The following CPLANE1 variants were observed in gnomAD, a reference collection of about 807,000 sequenced individuals.
CPLANE1 encodes ciliogenesis and planar polarity effector 1.
A neutral mutation model predicts 362.5 loss-of-function variants in CPLANE1; 263 were observed. The observed-to-expected ratio is 0.73, with a 90% confidence interval of 0.66 to 0.80. The LOEUF is 0.80. CPLANE1 is among the 30% of genes least tolerant of loss of function. The probability of loss-of-function intolerance (pLI) is 0.00; values close to 1 mark genes in which losing one functional copy is unlikely to be tolerated. For synonymous variants in CPLANE1, 1,212 were observed against 1,302.6 expected, an observed-to-expected ratio of 0.93 and a Z score of 1.50; for missense variants, 3,461 against 3,793.4, an observed-to-expected ratio of 0.91 and a Z score of 2.30.
intron 34 of CPLANE1, among the ~76,000 whole-genome samples, chr5:37,168,495 T>C (rs1177629248): frequency 6.7e-6 from 1 of 149,692 alleles, no homozygotes; most frequent in African/African-American, 2.5e-5. Flanking sequence ...CCTAAAACCT[T>C]TAAAATACAC....
At chr5:37,204,622 C>T (rs774208200) in intron 18 of CPLANE1, among the ~76,000 whole-genome samples, 4 of 151,560 alleles carry the variant, frequency 2.6e-5, no homozygotes, top group African/African-American at 4.9e-5. Context: ...ACAAATGAAG[C>T]GAAATATAAT....
intron 21 of CPLANE1, among the ~76,000 whole-genome samples, chr5:37,195,084 G>A (rs1449798924): frequency 1.3e-5 from 2 of 151,250 alleles, no homozygotes; most frequent in Non-Finnish European, 2.9e-5. Flanking sequence ...GAACCCAGGA[G>A]GCAGAGCTTG....
At chr5:37,099,620 A>G in the CPLANE1 span, among the ~76,000 whole-genome samples, 3,252 of 152,232 alleles carry the variant, frequency 0.021, 130 homozygotes, top group African/African-American at 0.075. Context: ...CATTATCTTT[A>G]TAACAGAATG....
rs765660141 is a variant in CPLANE1 at position 37,187,608 on chromosome 5, A to G, written c.3922-36T>C. ...ATTGAAAAACATTCATTTCCTTTTT[A>G]GTTTAGATGGTAGACCAGAATGAGT... On this transcript the variant is annotated intron_variant, in intron 22 of 52. Coordinates refer to ENST00000651892, the MANE Select transcript of CPLANE1 (RefSeq NM_001384732.1). The G allele has an allele frequency of 2.2e-5, 35 of 1,585,998 alleles. 1 individual carries two copies. The Admixed American group carries it at 6.4e-4, about 29-fold the overall frequency.
At chr5:37,090,613 C>G in the CPLANE1 span, among the ~76,000 whole-genome samples, 1 of 152,166 alleles carries the variant, frequency 6.6e-6, no homozygotes, top group Non-Finnish European at 1.5e-5. Flanking sequence ...TTCACTCCCC[C>G]ATACCTAATG....
In CPLANE1 at chr5:37,182,911, C is replaced by T. The variant is rs776388467; in HGVS notation, c.5270G>A (p.Arg1757Lys). ...AGTTATACCAGAATCACAGAGTAGC[C>T]TTCTATTAGACCACCTTATCATCCA... ...LEWMIRWSNR[R>K]LLCDSGITES... The change falls in exon 26 of 53, where the codon AGG becomes AAG. Residue 1757 changes from arginine (R) to lysine (K), a missense_variant. Transcript: ENST00000651892. 1.2e-6 allele frequency: 2 copies of T among 1,606,626 alleles called. No homozygotes were observed. Among genetic ancestry groups the T allele is most frequent in the Non-Finnish European group, 1.7e-6 (2 of 1,177,344 alleles).
At chr5:37,165,443 A>T in intron 36 of CPLANE1, 96 bp downstream of exon 36, 1 of 1,195,848 alleles carries the variant, frequency 8.4e-7, no homozygotes, top group Non-Finnish European at 1.2e-6. Context: ...AGTCACAGTC[A>T]GAAGCTCCCA....
At chr5:37,229,806 C>A (rs1488496362) in intron 9 of CPLANE1, among the ~76,000 whole-genome samples, 1 of 152,038 alleles carries the variant, frequency 6.6e-6, no homozygotes, top group Non-Finnish European at 1.5e-5. Context: ...ACACAATTAG[C>A]GTCACACTGC....
chr5:37,190,868 G>A (rs1290087562), intron 21 of CPLANE1, among the ~76,000 whole-genome samples: 1 of 152,026 alleles, frequency 6.6e-6, no homozygotes, highest in Non-Finnish European at 1.5e-5. Context: ...ATAAAATCTA[G>A]CCCATACAAT....
At chr5:37,180,467 T>A (rs1306268160) in intron 27 of CPLANE1, among the ~76,000 whole-genome samples, 1 of 152,234 alleles carries the variant, frequency 6.6e-6, no homozygotes, top group Non-Finnish European at 1.5e-5. Flanking sequence ...ATGATTGGAA[T>A]AATTTCAACT....
chr5:37,171,040 C>T (rs1042629136), intron 32 of CPLANE1, among the ~76,000 whole-genome samples: 6 of 152,172 alleles, frequency 3.9e-5, no homozygotes, highest in African/African-American at 1.2e-4. Context: ...CCCTTGGAAA[C>T]GCTGACTAGG....
At chr5:37,148,123 C>T (rs1772284741) in intron 43 of CPLANE1, 58 bp downstream of exon 43, 1 of 1,317,890 alleles carries the variant, frequency 7.6e-7, no homozygotes, top group Non-Finnish European at 1.1e-6. Flanking sequence ...AAACAATGCA[C>T]ATTCTTTCAG....
At position 37,147,463 on chromosome 5, in the gene CPLANE1, T is replaced by A. The variant is rs909845233; in HGVS notation, c.8461+718A>T. Among the ~76,000 whole-genome samples the A allele has an allele frequency of 3.9e-5, 6 of 152,328 alleles. No individual in the cohort carries two copies. The South Asian group carries it at 1.0e-3, about 26-fold the overall frequency. ...AGACCTGAACACCACCAGATGATGA[T>A]GAGTATCAACATTCTTGTCTAGGTC... On this transcript the variant is annotated intron_variant, in intron 43 of 52. Transcript: ENST00000651892.
chr5:37,157,767 C>T lies in CPLANE1; in HGVS notation c.7914G>A (p.Gln2638=), dbSNP rs750429337. The T allele has an allele frequency of 5.6e-6, 9 of 1,613,634 alleles. No individual in the cohort carries two copies. Among genetic ancestry groups the T allele is most frequent in the Non-Finnish European group, 4.2e-6 (5 of 1,179,758 alleles). ...ATGGAACTGCTAGATGATCGCTTTG[C>T]TGTTTGATAACATTATCATTTGAAG... ...EEPSNDNVIK[Q]QSDHLAVPSS... The change falls in exon 40 of 53, where the codon CAG becomes CAA. Residue 2638 remains glutamine, a synonymous_variant. Transcript: ENST00000651892.
intron 12 of CPLANE1, among the ~76,000 whole-genome samples, chr5:37,225,510 C>G (rs997972429): frequency 6.6e-6 from 1 of 152,072 alleles, no homozygotes; most frequent in Non-Finnish European, 1.5e-5. Context: ...CGATCACAGG[C>G]GTGAGCCACT....
the CPLANE1 span, chr5:37,085,180 TC>T: frequency 4.9e-6 from 4 of 812,950 alleles, no homozygotes; most frequent in South Asian, 1.4e-5. Context: ...AGAGAGTGTC[TC>T]CCCCTCATCA....
rs1757801874 is a variant in CPLANE1 at position 37,107,240 on chromosome 5, T to C, written c.*362A>G. The C allele has an allele frequency of 3.0e-6, 3 of 1,010,282 alleles. No individual in the cohort carries two copies. The highest frequency in any genetic ancestry group is 3.5e-6 in the Non-Finnish European group (3 of 846,706). 62.6% of individuals were successfully genotyped at this position (1,010,282 alleles called of 1,614,324 possible). ...TTTTTTCCTATTAGATTCATCTGTATATGGTTGTTTCTCAAAACTCAGAGG... is the reference window on the plus strand; with the variant it reads ...TTTTTTCCTATTAGATTCATCTGTACATGGTTGTTTCTCAAAACTCAGAGG... On this transcript the variant is annotated 3_prime_UTR_variant, in exon 53 of 53. Coordinates refer to ENST00000651892, the MANE Select transcript of CPLANE1 (RefSeq NM_001384732.1).
intron 42 of CPLANE1, among the ~76,000 whole-genome samples, chr5:37,153,416 G>A (rs1411347211): frequency 6.6e-6 from 1 of 152,110 alleles, no homozygotes; most frequent in Non-Finnish European, 1.5e-5. Context: ...TAAGGTAATT[G>A]TTCTCAACTG....
chr5:37,198,248 A>G (rs758992051), intron 20 of CPLANE1, among the ~76,000 whole-genome samples: 1 of 152,188 alleles, frequency 6.6e-6, no homozygotes, highest in East Asian at 1.9e-4. Context: ...ACTGAATTGC[A>G]CATCTCAGAA....
Sources: gnomAD v4.1 joint callset for allele counts (sites outside exome capture counted in the v4.1 genomes callset) on GRCh38, gnomAD v4.1.1 for gene constraint, MANE v1.5 for transcripts, NCBI Gene and HGNC (gene_info 2026-07-23, HGNC 2026-07-21) for gene names.